The following NELL1 variants were observed in gnomAD, a reference collection of about 807,000 sequenced individuals.
The protein encoded by NELL1 is neural EGFL like 1.
A neutral mutation model predicts 107.4 loss-of-function variants in NELL1; 76 were observed. The ratio of observed to expected loss-of-function variants is 0.71; its 90% confidence interval spans 0.59 to 0.86. The LOEUF (loss-of-function observed/expected upper bound fraction) is 0.86, where lower values mean the gene tolerates loss of function less well. NELL1 is among the 40% of genes least tolerant of loss of function. NELL1 has a pLI of 0.00. For synonymous variants in NELL1, 353 were observed against 341.2 expected, an observed-to-expected ratio of 1.03 and a Z score of -0.38; for missense variants, 1,024 against 1,005.5, an observed-to-expected ratio of 1.02 and a Z score of -0.25.
At chr11:21,146,814 G>A (rs193195562) in intron 13 of NELL1, among the ~76,000 whole-genome samples, 73 of 45,200 alleles carry the variant, frequency 1.6e-3, no homozygotes, top group African/African-American at 4.5e-3. Context: ...AGGCCAAGGT[G>A]GGGGGGATCA....
At chr11:20,971,070 T>G in intron 12 of NELL1, among the ~76,000 whole-genome samples, 1 of 152,144 alleles carries the variant, frequency 6.6e-6, no homozygotes, top group African/African-American at 2.4e-5. Flanking sequence ...ATCTGATTCT[T>G]GATCATGTCT....
chr11:21,419,704 T>C (rs1235157779), intron 15 of NELL1, among the ~76,000 whole-genome samples: 1 of 152,128 alleles, frequency 6.6e-6, no homozygotes, highest in Non-Finnish European at 1.5e-5. Flanking sequence ...AGCCATCAGC[T>C]GTCACTTCGA....
At chr11:21,081,213 A>G (rs1244343804) in intron 12 of NELL1, among the ~76,000 whole-genome samples, 1 of 152,116 alleles carries the variant, frequency 6.6e-6, no homozygotes, top group Non-Finnish European at 1.5e-5. Flanking sequence ...ACCTTTGTCA[A>G]TCACCAACCC....
At chr11:20,900,157 G>T (rs1250890684) in intron 5 of NELL1, among the ~76,000 whole-genome samples, 1 of 152,110 alleles carries the variant, frequency 6.6e-6, no homozygotes, top group Non-Finnish European at 1.5e-5. Context: ...GGCCTTGAAT[G>T]GCCTTAGCTG....
intron 12 of NELL1, among the ~76,000 whole-genome samples, chr11:20,964,355 T>G (rs1851348668): frequency 6.6e-6 from 1 of 152,146 alleles, no homozygotes; most frequent in Admixed American, 6.6e-5. Flanking sequence ...CTTAGAAGCA[T>G]AAAGAACAAT....
At chr11:21,138,099 A>T (rs1855784210) in intron 13 of NELL1, among the ~76,000 whole-genome samples, 1 of 152,094 alleles carries the variant, frequency 6.6e-6, no homozygotes. Flanking sequence ...TGTGCAGCTA[A>T]ATCTGGGTTT....
chr11:21,284,567 A>C (rs4151054), intron 14 of NELL1: 174,430 of 454,734 alleles, frequency 0.38, 37,022 homozygotes, highest in Non-Finnish European at 0.48. Context: ...CAATGCAGTG[A>C]GTATCCCAGC....
chr11:21,204,803 G>A (rs956714014), intron 13 of NELL1, among the ~76,000 whole-genome samples: 5 of 152,004 alleles, frequency 3.3e-5, no homozygotes, highest in African/African-American at 1.2e-4. Context: ...GTTTCTGAGC[G>A]ACGTCATTTT....
intron 14 of NELL1, among the ~76,000 whole-genome samples, chr11:21,302,431 C>A (rs1849512601): frequency 6.6e-6 from 1 of 152,006 alleles, no homozygotes; most frequent in Non-Finnish European, 1.5e-5. Flanking sequence ...AAATGGTTAT[C>A]AAGCTCAGCA....
intron 2 of NELL1, among the ~76,000 whole-genome samples, chr11:20,749,703 C>A (rs1018662437): frequency 6.6e-6 from 1 of 151,860 alleles, no homozygotes; most frequent in African/African-American, 2.4e-5. Context: ...TTTTATACAC[C>A]CATAAAACCA....
chr11:21,471,548 T>C (rs1006880698), intron 15 of NELL1, among the ~76,000 whole-genome samples: 3 of 152,072 alleles, frequency 2.0e-5, no homozygotes, highest in Non-Finnish European at 2.9e-5. Context: ...TATATAACAA[T>C]ATAATTATAA....
chr11:21,404,279 A>G (rs973334431), intron 15 of NELL1, among the ~76,000 whole-genome samples: 2 of 151,966 alleles, frequency 1.3e-5, no homozygotes, highest in African/African-American at 4.8e-5. Context: ...GACCCACAGT[A>G]GGTCACACAC....
chr11:21,040,556 T>G (rs1446718035), intron 12 of NELL1, among the ~76,000 whole-genome samples: 1 of 152,188 alleles, frequency 6.6e-6, no homozygotes, highest in Admixed American at 6.6e-5. Flanking sequence ...CTTCCTGATA[T>G]GAGCACAAAG....
chr11:21,465,165 G>T (rs755276136), intron 15 of NELL1, among the ~76,000 whole-genome samples: 1 of 152,046 alleles, frequency 6.6e-6, no homozygotes, highest in African/African-American at 2.4e-5. Context: ...AGGTGATATA[G>T]GGGCCATCAC....
At chr11:20,712,675 G>A (rs1234500955) in intron 2 of NELL1, among the ~76,000 whole-genome samples, 1 of 152,214 alleles carries the variant, frequency 6.6e-6, no homozygotes, top group African/African-American at 2.4e-5. Flanking sequence ...GTGATCCCTT[G>A]ATGTGGTGCT....
chr11:20,675,073 A>G lies in NELL1; in HGVS notation c.56-2859A>G, dbSNP rs61880539. 8.0e-3 allele frequency among the ~76,000 whole-genome samples: 1,214 copies of G among 152,270 alleles called. 5 individuals are homozygous for G. The highest frequency in any genetic ancestry group is 0.012 in the Non-Finnish European group (809 of 68,012). On this transcript the variant is annotated intron_variant, in intron 1 of 19. Transcript: ENST00000357134. ...GGTAGGCTGCCCGCTCCACATGTCT[A>G]GGTCTCCTTGGACCAGTGGACCAGC...
rs567897531 is a variant in NELL1 at position 20,880,754 on chromosome 11, G to A, written c.507-4690G>A. On this transcript the variant is annotated intron_variant, in intron 4 of 19. Transcript: ENST00000357134. ...TCATTTAAATAGAGTCCAGTTGGGTGTGTCTAGCTGACAAGTGGCCTTTGA... is the reference window on the plus strand; with the variant it reads ...TCATTTAAATAGAGTCCAGTTGGGTATGTCTAGCTGACAAGTGGCCTTTGA... 2.0e-5 allele frequency among the ~76,000 whole-genome samples: 3 copies of A among 152,276 alleles called. No individual in the cohort carries two copies. The South Asian group carries it at 6.2e-4, about 32-fold the overall frequency.
chr11:21,419,380 C>T (rs1007838630), intron 15 of NELL1, among the ~76,000 whole-genome samples: 7 of 151,948 alleles, frequency 4.6e-5, no homozygotes, highest in Admixed American at 6.6e-5. Context: ...TTATGGAAAC[C>T]GTCACATTTT....
chr11:21,339,515 C>A (rs1414777622), intron 14 of NELL1, among the ~76,000 whole-genome samples: 1 of 152,148 alleles, frequency 6.6e-6, no homozygotes, highest in Non-Finnish European at 1.5e-5. Flanking sequence ...CTCACTATAG[C>A]TAACTCTCCA....
Sources: gnomAD v4.1 joint callset for allele counts (sites outside exome capture counted in the v4.1 genomes callset) on GRCh38, gnomAD v4.1.1 for gene constraint, MANE v1.5 for transcripts, NCBI Gene and HGNC (gene_info 2026-07-23, HGNC 2026-07-21) for gene names.